The following CDK13 variants were observed in gnomAD, a reference collection of about 807,000 sequenced individuals.
CDK13 encodes the protein cyclin-dependent kinase 13.
In CDK13, 40 loss-of-function variants were observed where a neutral mutation model predicts 137.6. The observed-to-expected ratio is 0.29, with a 90% CI of 0.23 to 0.38. The LOEUF (loss-of-function observed/expected upper bound fraction) is 0.38. CDK13 is among the 10% of genes least tolerant of loss of function. The pLI is 1.00. For missense variants in CDK13, 1,704 were observed against 1,951.8 expected (o/e 0.87, Z 2.39); for synonymous variants, 869 against 760.1 (o/e 1.14, Z -2.36).
Position 40,095,615 on chromosome 7 carries a change from T to G in CDK13, c.*635T>G, listed in dbSNP as rs1787031254. On this transcript the variant is annotated 3_prime_UTR_variant, in exon 14 of 14. Coordinates refer to ENST00000181839, the MANE Select transcript of CDK13 (RefSeq NM_003718.5). ...TTATCAAAGCCTAGCAAAATGCATT[T>G]AAATGAAATAGTGGGTTTTATATGA... The G allele has an allele frequency of 1.3e-5, 2 of 150,996 alleles. No individual in the cohort carries two copies. Among genetic ancestry groups the G allele is most frequent in the Admixed American group, 6.6e-5 (1 of 15,208 alleles). The allele number at this position is 150,996 out of a possible 1,614,324, so 9.4% of individuals were successfully genotyped here. A position where few individuals can be genotyped will look rare whatever the true frequency, so the allele number is the denominator to read the frequency against.
chr7:40,078,783 C>T lies in CDK13; in HGVS notation c.2961C>T (p.Cys987=), dbSNP rs927325837. 3.2e-6 allele frequency: 5 copies of T among 1,554,238 alleles called. No individual in the cohort carries two copies. In the African/African-American group the frequency reaches 5.5e-5, roughly 17 times the overall value. ...TTGCCTTGGATCCTAGTAAGCGCTG[C>T]ACTGCTGAACAGGCTCTTCAGTGCG... The part of the protein sequence containing the change: ...YMLALDPSKR[C]TAEQALQCEF... Residue 987 remains cysteine (C), a synonymous_variant, in exon 11 of 14, where the codon TGC becomes TGT. Transcript: ENST00000181839.
At position 40,011,450 on chromosome 7, in the gene CDK13, A is replaced by G. The variant is rs111464729; in HGVS notation, c.2353+9419A>G. ...GGCATTATGATAAACGTATAGATCA[A>G]TAATAGAATTGAGAGTCTAGAAATT... On this transcript the variant is annotated intron_variant, in intron 5 of 13. Coordinates refer to ENST00000181839, the MANE Select transcript of CDK13 (RefSeq NM_003718.5). Among the ~76,000 whole-genome samples, 32 of 152,362 alleles carry G rather than the reference A, an allele frequency of 2.1e-4. No homozygotes were observed. In the South Asian group the frequency reaches 2.7e-3, roughly 13 times the overall value.
chr7:39,962,356 A>T (rs923483193), intron 1 of CDK13, among the ~76,000 whole-genome samples: 6 of 152,232 alleles, frequency 3.9e-5, no homozygotes, highest in East Asian at 1.9e-4. Flanking sequence ...TATCTCATTG[A>T]GGTTTTGATT....
chr7:39,984,685 G>A (rs34748607), intron 1 of CDK13: 40,662 of 151,830 alleles, frequency 0.27, 6,580 homozygotes, highest in Middle Eastern at 0.45. Flanking sequence ...AATTATTTTT[G>A]ACTGTTGGCT....
Position 40,098,773 on chromosome 7 carries a change from G to A in CDK13, c.*3793G>A, listed in dbSNP as rs1364593783. The A allele has an allele frequency of 1.3e-5, 2 of 152,038 alleles. No individual in the cohort carries two copies. Among genetic ancestry groups the A allele is most frequent in the African/African-American group, 4.8e-5 (2 of 41,424 alleles). 9.4% of individuals were successfully genotyped at this position (152,038 alleles called of 1,614,324 possible). On this transcript the variant is annotated 3_prime_UTR_variant, in exon 14 of 14. Transcript: ENST00000181839. Reference sequence around the variant, plus strand: ...AAATTGCTTCAAGATAACTTGACCAGTGATACGGTAAAATAATTAGACTAT... The same window carrying A: ...AAATTGCTTCAAGATAACTTGACCAATGATACGGTAAAATAATTAGACTAT...
At chr7:40,034,390 G>T (rs1350135845) in intron 5 of CDK13, among the ~76,000 whole-genome samples, 1 of 152,124 alleles carries the variant, frequency 6.6e-6, no homozygotes. Context: ...TTTGTTTTGA[G>T]TATGGAATGG....
chr7:39,961,148 C>T (rs897853866), intron 1 of CDK13, among the ~76,000 whole-genome samples: 6 of 151,880 alleles, frequency 4.0e-5, no homozygotes, highest in Admixed American at 2.6e-4. Context: ...TACTTGAGGT[C>T]GGGAGTTCAA....
chr7:40,024,944 G>A (rs1317695422), intron 5 of CDK13, among the ~76,000 whole-genome samples: 3 of 152,122 alleles, frequency 2.0e-5, no homozygotes, highest in African/African-American at 7.2e-5. Flanking sequence ...GATTACAAGT[G>A]TGAGCCACCG....
chr7:40,001,880 A>G lies in CDK13; in HGVS notation c.2202A>G (p.Lys734=). The change falls in exon 5 of 14, where the codon AAA becomes AAG. Residue 734 remains lysine (K), a synonymous_variant. Transcript: ENST00000181839. ...TAATAGGAGAAATGGTAGCCTTAAAAAAAGTACGTCTGGATAATGAAAAGG... is the reference window on the plus strand; with the variant it reads ...TAATAGGAGAAATGGTAGCCTTAAAGAAAGTACGTCTGGATAATGAAAAGG... ...DKDTGEMVAL[K]KVRLDNEKEG... 1 of 1,606,898 alleles carries G rather than the reference A, an allele frequency of 6.2e-7. No homozygotes were observed. The highest frequency in any genetic ancestry group is 2.2e-5 in the East Asian group (1 of 44,698).
At chr7:40,069,386 C>T (rs558470933) in intron 9 of CDK13, 4 of 444,018 alleles carry the variant, frequency 9.0e-6, no homozygotes, top group African/African-American at 4.0e-5. Flanking sequence ...AGTGTGTGGC[C>T]TTTAGAATCT....
intron 2 of CDK13, among the ~76,000 whole-genome samples, chr7:39,989,104 A>G (rs1784404192): frequency 8.1e-6 from 1 of 122,760 alleles, no homozygotes; most frequent in South Asian, 2.2e-4. Context: ...AAAAAAAAAA[A>G]AAAAAAAGAG....
intron 10 of CDK13, 177 bp downstream of exon 10, chr7:40,078,298 T>A (rs1584077793): frequency 2.3e-6 from 1 of 429,676 alleles, no homozygotes; most frequent in African/African-American, 2.0e-5. Flanking sequence ...TATTATGGAA[T>A]CAGTGATTTG....
chr7:39,980,329 G>A (rs1051410365), intron 1 of CDK13, among the ~76,000 whole-genome samples: 5 of 152,184 alleles, frequency 3.3e-5, no homozygotes, highest in Admixed American at 6.5e-5. Context: ...TCAGGAACTG[G>A]TGAGAATAGT....
At chr7:39,967,977 C>G (rs1783909279) in intron 1 of CDK13, among the ~76,000 whole-genome samples, 1 of 152,164 alleles carries the variant, frequency 6.6e-6, no homozygotes, top group African/African-American at 2.4e-5. Context: ...CCCACCTCAC[C>G]CACTTCAGCC....
At chr7:40,021,110 TATATATATATATACAC>T (rs1785110979) in intron 5 of CDK13, among the ~76,000 whole-genome samples, 2 of 81,920 alleles carry the variant, frequency 2.4e-5, no homozygotes, top group South Asian at 3.4e-4. Flanking sequence ...AACGTATATA[TATATATATATATACAC>T]ACACACACAC....
intron 1 of CDK13, among the ~76,000 whole-genome samples, chr7:39,980,076 A>C (rs1784192414): frequency 6.6e-6 from 1 of 152,232 alleles, no homozygotes; most frequent in African/African-American, 2.4e-5. Flanking sequence ...GTGTTGTTCT[A>C]AACTGCTGAC....
chr7:40,001,978 T>G lies in CDK13; in HGVS notation c.2300T>G (p.Met767Arg). The change falls in exon 5 of 14, where the codon ATG (methionine) becomes AGG (arginine). Residue 767 changes from methionine to arginine, a missense_variant. This residue lies in a region of CDK13 where 130 missense variants were observed against 362.4 expected (regional missense o/e 0.36). Transcript: ENST00000181839. ...RQLTHQSIIN[M>R]KEIVTDKEDA... ...CTTACCCATCAGAGTATTATCAATA[T>G]GAAGGAAATAGTGACTGATAAAGAA... is the stretch of plus-strand genomic sequence containing the variant. The G allele has an allele frequency of 6.2e-7, 1 of 1,611,304 alleles. No individual in the cohort carries two copies. The highest frequency in any genetic ancestry group is 8.5e-7 in the Non-Finnish European group (1 of 1,178,088).
At position 40,047,987 on chromosome 7, in the gene CDK13, A is replaced by T. The variant is rs186787085; in HGVS notation, c.2600+110A>T. On this transcript the variant is annotated intron_variant, in intron 7 of 13. Coordinates refer to ENST00000181839, the MANE Select transcript of CDK13 (RefSeq NM_003718.5). ...TTTTTAAAAGAGAAGTTTACTTTTC[A>T]TGGTTAGTACATAAAACATTGAAAT... is the stretch of plus-strand genomic sequence containing the variant. 3 of 702,264 alleles carry T rather than the reference A, an allele frequency of 4.3e-6. No individual in the cohort carries two copies. In the East Asian group the frequency reaches 7.6e-5, roughly 18 times the overall value. 43.5% of individuals were successfully genotyped at this position (702,264 alleles called of 1,614,324 possible). A position where few individuals can be genotyped will look rare whatever the true frequency, so the allele number is the denominator to read the frequency against.
At chr7:39,983,564 A>G (rs1167430596) in intron 1 of CDK13, among the ~76,000 whole-genome samples, 2 of 152,208 alleles carry the variant, frequency 1.3e-5, no homozygotes, top group Non-Finnish European at 2.9e-5. Flanking sequence ...CTTAGATAAG[A>G]TTCACTGATT....
Sources: allele counts gnomAD v4.1 joint callset (sites outside exome capture counted in the v4.1 genomes callset), GRCh38; gene constraint gnomAD v4.1.1; regional missense constraint gnomAD v4.1.1; transcripts MANE v1.5; gene names NCBI Gene and HGNC (gene_info 2026-07-23, HGNC 2026-07-21).